Variants in YJU2 observed in about 807,000 individuals in gnomAD.
YJU2 encodes the protein splicing factor YJU2.
In YJU2, 28 loss-of-function variants were observed where a neutral mutation model predicts 39.6. The ratio of observed to expected loss-of-function variants is 0.71; its 90% CI spans 0.52 to 0.97. The LOEUF (loss-of-function observed/expected upper bound fraction) is 0.97, where lower values mean the gene tolerates loss of function less well. Ranked by LOEUF, YJU2 falls within the 50% of genes least tolerant of loss-of-function variation. The pLI, the probability that YJU2 is intolerant of heterozygous loss-of-function variation, is 0.00. For synonymous variants in YJU2, 184 were observed against 182.4 expected, an observed-to-expected ratio of 1.01 and a Z score of -0.07; for missense variants, 328 against 430.4, an observed-to-expected ratio of 0.76 and a Z score of 2.11.
intron 1 of YJU2, 161 bp downstream of exon 1, chr19:4,247,331 C>G: frequency 3.3e-6 from 2 of 610,546 alleles, no homozygotes; most frequent in Non-Finnish European, 5.7e-6. Flanking sequence ...CTCCCCATCG[C>G]CTTCCGTCGG....
chr19:4,256,181 A>ATATATATAT (rs1555725230), intron 4 of YJU2, among the ~76,000 whole-genome samples: 54 of 125,876 alleles, frequency 4.3e-4, no homozygotes, highest in African/African-American at 1.4e-3. Flanking sequence ...AAAAAAAAAA[A>ATATATATAT]ATATATATAT....
rs1001505791 is a variant in YJU2 at position 4,256,181 on chromosome 19, A to AAATAT, written c.405+1693_405+1694insATATA. ...AGCAAGACTGTCGCAAAAAAAAAAA[A>AAATAT]ATATATATATATATATATATATATA... On this transcript the variant is annotated intron_variant, in intron 4 of 7. Coordinates refer to ENST00000262962, the MANE Select transcript of YJU2 (RefSeq NM_018074.6). 4.2e-3 allele frequency among the ~76,000 whole-genome samples: 526 copies of AAATAT among 125,814 alleles called. 4 individuals carry two copies. Among genetic ancestry groups the AAATAT allele is most frequent in the African/African-American group, 0.013 (408 of 32,084 alleles). The allele number at this position is 125,814 out of a possible 152,430, so 82.5% of individuals were successfully genotyped here.
intron 3 of YJU2, among the ~76,000 whole-genome samples, chr19:4,251,761 G>C (rs185906528): frequency 5.7e-4 from 86 of 149,598 alleles, no homozygotes; most frequent in Non-Finnish European, 1.1e-3. Flanking sequence ...AGGCAGGAAA[G>C]AGAGCCCCTG....
At chr19:4,257,956 C>T (rs1971035359) in intron 4 of YJU2, among the ~76,000 whole-genome samples, 1 of 152,226 alleles carries the variant, frequency 6.6e-6, no homozygotes, top group South Asian at 2.1e-4. Context: ...GAAATCCAGG[C>T]CACCTGGGTC....
At chr19:4,250,875 G>T in intron 2 of YJU2, 152 bp from the exon 3 acceptor site, 1 of 738,578 alleles carries the variant, frequency 1.4e-6, no homozygotes, top group South Asian at 1.8e-5. Context: ...GAGGAAATTT[G>T]GACACAGGGT....
At chr19:4,264,809 G>T (rs1325268464) in intron 6 of YJU2, among the ~76,000 whole-genome samples, 1 of 151,064 alleles carries the variant, frequency 6.6e-6, no homozygotes, top group African/African-American at 2.4e-5. Flanking sequence ...AATTCTTTTT[G>T]CAGAGATGCG....
chr19:4,251,124 C>T lies in YJU2; in HGVS notation c.223C>T (p.Arg75Cys), dbSNP rs747901969. ...NEVYLGLPIF[R>C]FYIKCTRCLA... ...GGTCTACCTGGGCCTGCCCATCTTCCGCTTTTACATCAAGTGCACGCGCTG... is the reference window on the plus strand; with the variant it reads ...GGTCTACCTGGGCCTGCCCATCTTCTGCTTTTACATCAAGTGCACGCGCTG... The change falls in exon 3 of 8, where the codon CGC becomes TGC. Residue 75 changes from arginine (R) to cysteine (C), a missense_variant. Coordinates refer to ENST00000262962, the MANE Select transcript of YJU2 (RefSeq NM_018074.6). 8 of 1,614,088 alleles carry T rather than the reference C, an allele frequency of 5.0e-6. No homozygotes were observed. Among genetic ancestry groups the T allele is most frequent in the East Asian group, 2.2e-5 (1 of 44,898 alleles).
At position 4,268,779 on chromosome 19, in the gene YJU2, C is replaced by A; in HGVS notation, c.*83C>A. 2 of 1,033,214 alleles carry A rather than the reference C, an allele frequency of 1.9e-6. No homozygotes were observed. Among genetic ancestry groups the A allele is most frequent in the Non-Finnish European group, 2.9e-6 (2 of 684,416 alleles). 64.0% of individuals were successfully genotyped at this position (1,033,214 alleles called of 1,614,324 possible). A position where few individuals can be genotyped will look rare whatever the true frequency, so the allele number is the denominator to read the frequency against. ...AGGCCAGCATTGCTGGTGGTCAGGG[C>A]AGGAGGCCTTGGCGTGACTGGAGGC... On this transcript the variant is annotated 3_prime_UTR_variant, in exon 8 of 8. Coordinates refer to ENST00000262962, the MANE Select transcript of YJU2 (RefSeq NM_018074.6).
chr19:4,252,945 T>A (rs60160662), intron 3 of YJU2, among the ~76,000 whole-genome samples: 48,841 of 151,730 alleles, frequency 0.32, 8,122 homozygotes, highest in South Asian at 0.46. Flanking sequence ...AAACAAAAAC[T>A]TTTTTTGAAA....
intron 5 of YJU2, 49 bp from the exon 6 acceptor site, chr19:4,261,945 A>G: frequency 6.3e-7 from 1 of 1,594,756 alleles, no homozygotes; most frequent in Non-Finnish European, 8.5e-7. Context: ...CATCCCAGGC[A>G]CTGTTCCCCA....
intron 5 of YJU2, 142 bp downstream of exon 5, chr19:4,258,565 C>G: frequency 7.5e-7 from 1 of 1,337,804 alleles, no homozygotes; most frequent in Non-Finnish European, 9.9e-7. Flanking sequence ...CACTTTCTCC[C>G]TTGTGGCGTC....
chr19:4,266,998 G>T (rs964710021), intron 6 of YJU2, among the ~76,000 whole-genome samples: 46 of 152,082 alleles, frequency 3.0e-4, no homozygotes, highest in Admixed American at 3.0e-3. Context: ...ATAGATTAAA[G>T]GGTCCCTTCT....
intron 2 of YJU2, among the ~76,000 whole-genome samples, chr19:4,249,752 G>C (rs1970960747): frequency 6.6e-6 from 1 of 151,450 alleles, no homozygotes; most frequent in Non-Finnish European, 1.5e-5. Flanking sequence ...TGTTGCCCAG[G>C]CTGGAGTGCA....
Position 4,247,088 on chromosome 19 carries a change from T to A in YJU2, c.-59T>A, listed in dbSNP as rs768276762. On this transcript the variant is annotated 5_prime_UTR_variant, in exon 1 of 8. Transcript: ENST00000262962. ...GAAGTAAGGCTTCCGTCGGAAAAGC[T>A]CGATAATTACCCAGCCTAACCATTT... The A allele has an allele frequency of 2.6e-6, 4 of 1,555,586 alleles. No homozygotes were observed. Among genetic ancestry groups the A allele is most frequent in the Admixed American group, 3.3e-5 (2 of 59,886 alleles).
chr19:4,250,607 G>A (rs545636357), intron 2 of YJU2, among the ~76,000 whole-genome samples: 1 of 152,224 alleles, frequency 6.6e-6, no homozygotes, highest in African/African-American at 2.4e-5. Context: ...CTGAGCTGGG[G>A]GTGTTTGCAG....
Position 4,266,535 on chromosome 19 carries a change from G to A in YJU2, c.709-1089G>A, listed in dbSNP as rs146319749. On this transcript the variant is annotated intron_variant, in intron 6 of 7. Coordinates refer to ENST00000262962, the MANE Select transcript of YJU2 (RefSeq NM_018074.6). ...GCTCATCCTCACAATTCAAGCTCAC[G>A]CACCCTGGCTTCTCTCTCACCCAGA... 5.9e-5 allele frequency among the ~76,000 whole-genome samples: 9 copies of A among 152,038 alleles called. No homozygotes were observed. In the South Asian group the frequency reaches 1.5e-3, roughly 25 times the overall value.
intron 6 of YJU2, among the ~76,000 whole-genome samples, chr19:4,263,828 AAGG>A (rs1228922081): frequency 6.7e-6 from 1 of 149,892 alleles, no homozygotes; most frequent in Non-Finnish European, 1.5e-5. Context: ...AAAAAAAAAA[AAGG>A]AGGAAGGAGT....
At position 4,249,251 on chromosome 19, in the gene YJU2, C is replaced by A. The variant is rs777230516; in HGVS notation, c.48C>A (p.Asp16Glu). ...AGAAATACTACCCGCCGGACTTTGACCCATCAAAGATCCCCAAACTCAAGC... is the reference window on the plus strand; with the variant it reads ...AGAAATACTACCCGCCGGACTTTGAACCATCAAAGATCCCCAAACTCAAGC... ...VLNKYYPPDF[D>E]PSKIPKLKLP... Residue 16 changes from aspartate to glutamate, a missense_variant, in exon 2 of 8, where the codon GAC (aspartate) becomes GAA (glutamate). Coordinates refer to ENST00000262962, the MANE Select transcript of YJU2 (RefSeq NM_018074.6). 3.7e-6 allele frequency: 6 copies of A among 1,613,264 alleles called. No individual in the cohort carries two copies. In the South Asian group the frequency reaches 6.6e-5, roughly 18 times the overall value.
intron 1 of YJU2, 38 bp from the exon 2 acceptor site, chr19:4,249,190 G>A: frequency 6.9e-7 from 1 of 1,451,288 alleles, no homozygotes; most frequent in East Asian, 2.3e-5. Flanking sequence ...CCCTGCTTCT[G>A]AAAATAACTC....
Sources: gnomAD v4.1 joint callset for allele counts (sites outside exome capture counted in the v4.1 genomes callset) on GRCh38, gnomAD v4.1.1 for gene constraint, MANE v1.5 for transcripts, NCBI Gene and HGNC (gene_info 2026-07-23, HGNC 2026-07-21) for gene names.